Variants in DAAM2 observed in about 807,000 individuals in gnomAD.
DAAM2 encodes disheveled-associated activator of morphogenesis 2.
A neutral mutation model predicts 120.7 loss-of-function variants in DAAM2; 39 were observed. The ratio of observed to expected loss-of-function variants is 0.32; its 90% CI spans 0.25 to 0.42. The LOEUF (loss-of-function observed/expected upper bound fraction) is 0.42. Among genes scored for constraint, DAAM2 ranks in the 10% least tolerant of loss-of-function variants. The pLI is 1.00. For synonymous variants in DAAM2, 488 were observed against 524.9 expected, an observed-to-expected ratio of 0.93 and a Z score of 0.96; for missense variants, 1,283 against 1,401.7, an observed-to-expected ratio of 0.92 and a Z score of 1.35.
At chr6:39,894,967 G>A (rs536370156) in intron 19 of DAAM2, among the ~76,000 whole-genome samples, 3 of 152,106 alleles carry the variant, frequency 2.0e-5, no homozygotes, top group South Asian at 4.2e-4. Flanking sequence ...ATAATTTTAG[G>A]CTGGTGACTT....
At chr6:39,898,237 A>G (rs1345621268) in intron 21 of DAAM2, among the ~76,000 whole-genome samples, 1 of 149,744 alleles carries the variant, frequency 6.7e-6, no homozygotes, top group African/African-American at 2.4e-5. Flanking sequence ...TGCTGGGGCA[A>G]TCAGAGAGCA....
intron 17 of DAAM2, among the ~76,000 whole-genome samples, chr6:39,890,284 A>G (rs921032428): frequency 2.0e-5 from 3 of 152,186 alleles, no homozygotes; most frequent in Admixed American, 2.0e-4. Context: ...AAATCCACAT[A>G]CAAGTGGTCC....
Position 39,897,251 on chromosome 6 carries a change from C to A in DAAM2, c.2587C>A (p.Leu863Met). 1 of 1,612,948 alleles carries A rather than the reference C, an allele frequency of 6.2e-7. No homozygotes were observed. Among genetic ancestry groups the A allele is most frequent in the Non-Finnish European group, 8.5e-7 (1 of 1,178,984 alleles). The change falls in exon 21 of 25, where the codon CTG becomes ATG. Residue 863 changes from leucine to methionine, a missense_variant. Leu to Met is a conservative substitution (Grantham distance 15). This residue lies in a region of DAAM2 where 748 missense variants were observed against 768.6 expected (regional missense o/e 0.97). Coordinates refer to ENST00000274867, the MANE Select transcript of DAAM2 (RefSeq NM_001201427.2). ...TGATATTCTAAACATGCCTTCAGAG[C>A]TGCAACATCTTCCAGAAGCTGCCAA... Reference protein sequence around the residue: ...FPDILNMPSELQHLPEAAKVN... With the variant: ...FPDILNMPSEMQHLPEAAKVN...
chr6:39,873,576 C>T (rs959718657), intron 10 of DAAM2, among the ~76,000 whole-genome samples: 10 of 152,192 alleles, frequency 6.6e-5, no homozygotes, highest in African/African-American at 2.2e-4. Flanking sequence ...GGGGACTTGG[C>T]CCTGAGCAAC....
intron 1 of DAAM2, chr6:39,821,962 C>G (rs1332937542): frequency 6.6e-6 from 1 of 152,416 alleles, no homozygotes; most frequent in Non-Finnish European, 1.5e-5. Flanking sequence ...TGCGTTGTCT[C>G]CTTGGATTGA....
rs763765036 is a variant in DAAM2 at position 39,887,463 on chromosome 6, TCCACTTGA to T, written c.1954-21_1954-14del. On this transcript the variant is annotated splice_polypyrimidine_tract_variant and intron_variant, in intron 15 of 24. Transcript: ENST00000274867. ...GATTAGGGAACCCACACCTCAACTG[TCCACTTGA>T]CTTGTTGGTTGCAGAAAGAGCTGGG... 1.9e-6 allele frequency: 3 copies of T among 1,577,246 alleles called. No individual in the cohort carries two copies. The highest frequency in any genetic ancestry group is 2.6e-6 in the Non-Finnish European group (3 of 1,149,888).
At chr6:39,821,140 C>G (rs191438289) in intron 1 of DAAM2, 3 of 152,262 alleles carry the variant, frequency 2.0e-5, no homozygotes, top group African/African-American at 7.2e-5. Context: ...CCACCCACCT[C>G]GGGCTCTTGG....
intron 9 of DAAM2, among the ~76,000 whole-genome samples, chr6:39,872,399 C>T (rs759406756): frequency 7.2e-5 from 11 of 152,138 alleles, no homozygotes; most frequent in Non-Finnish European, 1.2e-4. Context: ...GACTGAAACC[C>T]CCAAAGGAAA....
intron 4 of DAAM2, 115 bp downstream of exon 4, chr6:39,864,622 C>T (rs959385213): frequency 2.7e-5 from 21 of 765,742 alleles, no homozygotes; most frequent in Non-Finnish European, 4.4e-5. Flanking sequence ...TCCTCAGCGC[C>T]CCACTGCCCA....
intron 23 of DAAM2, 22 bp downstream of exon 23, chr6:39,900,230 C>T: frequency 1.9e-6 from 3 of 1,606,484 alleles, no homozygotes; most frequent in East Asian, 4.5e-5. Flanking sequence ...CCAACCCCCA[C>T]TGCTTGCCAA....
intron 19 of DAAM2, among the ~76,000 whole-genome samples, chr6:39,894,484 G>T (rs1054222461): frequency 6.6e-6 from 1 of 152,102 alleles, no homozygotes; most frequent in South Asian, 2.1e-4. Context: ...CCCAGGTCAA[G>T]AAATACAGCT....
At chr6:39,812,587 G>A (rs1026105399) in intron 1 of DAAM2, among the ~76,000 whole-genome samples, 3 of 150,360 alleles carry the variant, frequency 2.0e-5, no homozygotes, top group East Asian at 1.9e-4. Flanking sequence ...AGTATCCCCC[G>A]CCTCCCCACC....
At position 39,837,692 on chromosome 6, in the gene DAAM2, GA is replaced by G. The variant is rs201601644; in HGVS notation, c.-56-18548del. Reference sequence around the variant, plus strand: ...AAAAAAAAAAAAAAAAAAAAGAAAAGAAAAAAAGAAATGGCTGCTATTTTGA... The same window carrying G: ...AAAAAAAAAAAAAAAAAAAAGAAAAGAAAAAAGAAATGGCTGCTATTTTGA... On this transcript the variant is annotated intron_variant, in intron 1 of 24. Coordinates refer to ENST00000274867, the MANE Select transcript of DAAM2 (RefSeq NM_001201427.2). Among the ~76,000 whole-genome samples, 20 of 125,328 alleles carry G rather than the reference GA, an allele frequency of 1.6e-4. No individual in the cohort carries two copies. The East Asian group carries it at 4.8e-3, about 30-fold the overall frequency. 82.2% of individuals were successfully genotyped at this position (125,328 alleles called of 152,430 possible).
intron 1 of DAAM2, among the ~76,000 whole-genome samples, chr6:39,823,447 A>G (rs974531449): frequency 2.0e-5 from 3 of 152,136 alleles, no homozygotes; most frequent in Non-Finnish European, 2.9e-5. Context: ...GTCAGGAAAA[A>G]CGAAGACTCT....
chr6:39,798,743 C>A (rs997637187), intron 1 of DAAM2, among the ~76,000 whole-genome samples: 1 of 152,172 alleles, frequency 6.6e-6, no homozygotes, highest in Non-Finnish European at 1.5e-5. Context: ...CAGTCCTGGT[C>A]TTCCTGATCT....
intron 1 of DAAM2, among the ~76,000 whole-genome samples, chr6:39,815,651 T>TACACAC (rs56736428): frequency 0.036 from 5,328 of 149,000 alleles, 116 homozygotes; most frequent in South Asian, 0.07. Flanking sequence ...ACCCCTGGTT[T>TACACAC]ACACACACAC....
At chr6:39,880,218 G>C (rs1015910287) in intron 14 of DAAM2, among the ~76,000 whole-genome samples, 3 of 152,244 alleles carry the variant, frequency 2.0e-5, no homozygotes, top group African/African-American at 7.2e-5. Context: ...GTTTCAGTTA[G>C]GTTGGCTCAC....
intron 1 of DAAM2, among the ~76,000 whole-genome samples, chr6:39,846,232 G>A (rs995371365): frequency 2.0e-5 from 3 of 152,038 alleles, no homozygotes; most frequent in Non-Finnish European, 2.9e-5. Flanking sequence ...GAGCAGTGCC[G>A]GGCATACAGT....
chr6:39,881,585 C>T (rs144919814), intron 14 of DAAM2, among the ~76,000 whole-genome samples: 2,780 of 152,158 alleles, frequency 0.018, 65 homozygotes, highest in African/African-American at 0.062. Context: ...GGTGTGGTGG[C>T]GCACGCCTGT....
Sources: allele counts gnomAD v4.1 joint callset (sites outside exome capture counted in the v4.1 genomes callset), GRCh38; gene constraint gnomAD v4.1.1; regional missense constraint gnomAD v4.1.1; transcripts MANE v1.5; gene names NCBI Gene and HGNC (gene_info 2026-07-23, HGNC 2026-07-21).